The following EFCAB5 variants were observed in gnomAD, a reference collection of about 807,000 sequenced individuals.
EFCAB5 encodes the protein EF-hand calcium binding domain 5, also known as EF-hand calcium-binding domain-containing protein 5.
EFCAB5 carries 131 observed loss-of-function variants against 167.9 expected under a neutral mutation model. The observed-to-expected ratio is 0.78, with a 90% CI of 0.68 to 0.90. The LOEUF (loss-of-function observed/expected upper bound fraction) is 0.90. Ranked by LOEUF, EFCAB5 falls within the 40% of genes least tolerant of loss-of-function variation. The pLI is 0.00. For missense variants in EFCAB5, 1,663 were observed against 1,745.2 expected (o/e 0.95, Z 0.84); for synonymous variants, 574 against 602.8 (o/e 0.95, Z 0.70).
intron 4 of EFCAB5, among the ~76,000 whole-genome samples, chr17:29,975,412 T>G (rs1332324081): frequency 6.6e-6 from 1 of 152,050 alleles, no homozygotes; most frequent in South Asian, 2.1e-4. Context: ...CGTACCACCA[T>G]GCCCAGCTAA....
chr17:30,043,842 C>A (rs1397432358), intron 8 of EFCAB5, among the ~76,000 whole-genome samples: 2 of 152,120 alleles, frequency 1.3e-5, no homozygotes, highest in Admixed American at 6.6e-5. Flanking sequence ...AATCCAAATC[C>A]CAGTGAACTT....
intron 22 of EFCAB5, among the ~76,000 whole-genome samples, chr17:30,107,428 G>A (rs957093281): frequency 6.6e-6 from 1 of 152,074 alleles, no homozygotes; most frequent in Non-Finnish European, 1.5e-5. Context: ...TTTCCCTAGA[G>A]ATAATACTAT....
chr17:30,031,885 C>G (rs1211770803), intron 7 of EFCAB5: 1 of 151,190 alleles, frequency 6.6e-6, no homozygotes, highest in Non-Finnish European at 1.5e-5. Flanking sequence ...TTTTAATTAG[C>G]CAGGTGTGGT....
intron 3 of EFCAB5, among the ~76,000 whole-genome samples, chr17:29,953,510 G>GCT (rs534205875): frequency 2.2e-4 from 33 of 152,088 alleles, no homozygotes; most frequent in South Asian, 1.5e-3. Flanking sequence ...CCCTGCACAT[G>GCT]CTCTCTCTCT....
intron 9 of EFCAB5, 66 bp downstream of exon 9, chr17:30,051,283 T>A: frequency 7.8e-7 from 1 of 1,279,898 alleles, no homozygotes; most frequent in Non-Finnish European, 1.1e-6. Flanking sequence ...TGTACTGATA[T>A]GATACACTGA....
intron 3 of EFCAB5, among the ~76,000 whole-genome samples, chr17:29,959,022 G>C (rs1461569123): frequency 1.3e-5 from 2 of 152,130 alleles, no homozygotes; most frequent in Admixed American, 1.3e-4. Context: ...TCTCTGTGCT[G>C]AGCTGCCTGG....
chr17:29,936,657 T>C (rs1246634892), upstream of EFCAB5, among the ~76,000 whole-genome samples: 3 of 152,154 alleles, frequency 2.0e-5, no homozygotes, highest in Non-Finnish European at 4.4e-5. Context: ...GATGAGACAA[T>C]AATTTAATAA....
intron 3 of EFCAB5, chr17:29,968,331 G>T (rs1047164012): frequency 4.4e-6 from 2 of 454,576 alleles, no homozygotes; most frequent in Non-Finnish European, 8.8e-6. Flanking sequence ...CCAGCGATTG[G>T]TCTGGGCGTG....
At chr17:30,010,903 T>TATA (rs2151679975) in intron 7 of EFCAB5, among the ~76,000 whole-genome samples, 1 of 152,376 alleles carries the variant, frequency 6.6e-6, no homozygotes, top group Admixed American at 6.5e-5. Context: ...TGAATGGTAA[T>TATA]GCCTAGGTTT....
At chr17:29,944,203 G>T (rs888153378) in intron 3 of EFCAB5, among the ~76,000 whole-genome samples, 13 of 152,096 alleles carry the variant, frequency 8.5e-5, no homozygotes, top group African/African-American at 3.1e-4. Context: ...AGCCTCCAGA[G>T]TTGCTGGGAC....
chr17:29,941,019 G>A (rs960260566), upstream of EFCAB5, among the ~76,000 whole-genome samples: 13 of 151,202 alleles, frequency 8.6e-5, no homozygotes, highest in Non-Finnish European at 1.6e-4. Flanking sequence ...CAGCCCGGGC[G>A]ACAGAATGAG....
At chr17:29,942,433 T>C in intron 2 of EFCAB5, 131 bp downstream of exon 2, 1 of 741,258 alleles carries the variant, frequency 1.3e-6, no homozygotes, top group Non-Finnish European at 2.0e-6. Flanking sequence ...AAGGACAAAC[T>C]CATGTTGATT....
intron 4 of EFCAB5, among the ~76,000 whole-genome samples, chr17:29,981,301 C>T (rs1349758078): frequency 6.6e-6 from 1 of 152,184 alleles, no homozygotes; most frequent in Non-Finnish European, 1.5e-5. Context: ...TCTCCCCACA[C>T]TATACTCCAG....
chr17:29,986,160 T>C (rs1389565383), intron 4 of EFCAB5, among the ~76,000 whole-genome samples: 1 of 152,234 alleles, frequency 6.6e-6, no homozygotes, highest in Non-Finnish European at 1.5e-5. Flanking sequence ...TTTAAATATT[T>C]GTTCTTTTAA....
intron 8 of EFCAB5, among the ~76,000 whole-genome samples, chr17:30,048,436 A>G (rs1597723388): frequency 6.6e-6 from 1 of 151,758 alleles, no homozygotes; most frequent in East Asian, 1.9e-4. Flanking sequence ...AAGTAATCCT[A>G]TCATATTCTT....
At chr17:30,046,182 A>T (rs2069923193) in intron 8 of EFCAB5, among the ~76,000 whole-genome samples, 1 of 152,230 alleles carries the variant, frequency 6.6e-6, no homozygotes, top group Admixed American at 6.5e-5. Context: ...TCTTTATCTG[A>T]GTGGCAAACA....
intron 14 of EFCAB5, among the ~76,000 whole-genome samples, chr17:30,064,282 C>T (rs2070503181): frequency 6.6e-6 from 1 of 152,044 alleles, no homozygotes; most frequent in Admixed American, 6.6e-5. Flanking sequence ...GAAAACAAGT[C>T]CTCATATGAA....
intron 14 of EFCAB5, chr17:30,069,385 G>A: frequency 2.6e-6 from 4 of 1,555,492 alleles, no homozygotes; most frequent in Non-Finnish European, 3.5e-6. Context: ...TTGATGAAGT[G>A]AGGCAGATCA....
At chr17:30,060,119 A>G (rs1005182079) in intron 14 of EFCAB5, among the ~76,000 whole-genome samples, 6 of 152,232 alleles carry the variant, frequency 3.9e-5, no homozygotes, top group African/African-American at 1.4e-4. Flanking sequence ...TCTTAAATCT[A>G]TATAGTTAGA....
Sources: gnomAD v4.1 joint callset for allele counts (sites outside exome capture counted in the v4.1 genomes callset) on GRCh38, gnomAD v4.1.1 for gene constraint, MANE v1.5 for transcripts, NCBI Gene and HGNC (gene_info 2026-07-23, HGNC 2026-07-21) for gene names.